The following SAMD12 variants were observed in gnomAD, a reference collection of about 807,000 sequenced individuals.
SAMD12 encodes the protein sterile alpha motif domain-containing protein 12.
In SAMD12, 9 loss-of-function variants were observed where a neutral mutation model predicts 15.0. The ratio of observed to expected loss-of-function variants is 0.60; its 90% CI spans 0.36 to 1.05. The LOEUF is 1.05. SAMD12 is among the 50% of genes least tolerant of loss of function. The probability of loss-of-function intolerance (pLI) is 0.01; values close to 1 mark genes in which losing one functional copy is unlikely to be tolerated. For synonymous variants in SAMD12, 86 were observed against 90.1 expected (o/e 0.96, Z 0.25); for missense variants, 230 against 234.2 (o/e 0.98, Z 0.12).
intron 2 of SAMD12, among the ~76,000 whole-genome samples, chr8:118,458,950 ATGTGTGTGTG>A (rs56067272): frequency 0.035 from 5,201 of 148,944 alleles, 278 homozygotes; most frequent in African/African-American, 0.12. Context: ...TCAGCTATAT[ATGTGTGTGTG>A]TGTGTGTGTG....
intron 2 of SAMD12, among the ~76,000 whole-genome samples, chr8:118,453,171 T>C (rs900462261): frequency 2.0e-5 from 3 of 152,240 alleles, no homozygotes; most frequent in African/African-American, 4.8e-5. Context: ...ACTTTTATTA[T>C]ATATTGTCAA....
At chr8:118,617,601 T>C (rs976030368) in intron 1 of SAMD12, among the ~76,000 whole-genome samples, 2 of 152,220 alleles carry the variant, frequency 1.3e-5, no homozygotes, top group Admixed American at 1.3e-4. Context: ...GCTATTCTGT[T>C]AGACCTGGAA....
intron 3 of SAMD12, chr8:118,400,494 G>T (rs989028480): frequency 6.6e-6 from 1 of 152,204 alleles, no homozygotes; most frequent in African/African-American, 2.4e-5. Flanking sequence ...CTCTCATTTT[G>T]TAGATGTAAG....
chr8:118,429,452 A>G (rs1822332099), intron 3 of SAMD12, among the ~76,000 whole-genome samples: 1 of 152,252 alleles, frequency 6.6e-6, no homozygotes, highest in African/African-American at 2.4e-5. Flanking sequence ...ATTCTAGACA[A>G]CACTCCAACT....
the SAMD12 span, among the ~76,000 whole-genome samples, chr8:118,178,310 T>C: frequency 6.6e-6 from 1 of 152,032 alleles, no homozygotes; most frequent in Non-Finnish European, 1.5e-5. Flanking sequence ...TTAAAGACCA[T>C]AGACACACTT....
At chr8:118,493,611 T>C (rs187700055) in intron 2 of SAMD12, among the ~76,000 whole-genome samples, 141 of 152,334 alleles carry the variant, frequency 9.3e-4, no homozygotes, top group Non-Finnish European at 7.9e-4. Flanking sequence ...TCCTGGATTA[T>C]CTGTGCATGT....
At chr8:118,405,251 T>C (rs535313583) in intron 3 of SAMD12, among the ~76,000 whole-genome samples, 2 of 152,292 alleles carry the variant, frequency 1.3e-5, no homozygotes, top group Non-Finnish European at 2.9e-5. Flanking sequence ...GTGCTCATTT[T>C]CACCAGAAGT....
At chr8:118,540,206 A>C (rs980483198) in intron 2 of SAMD12, among the ~76,000 whole-genome samples, 1 of 152,214 alleles carries the variant, frequency 6.6e-6, no homozygotes, top group African/African-American at 2.4e-5. Context: ...TCATTTTAAA[A>C]GTCTCTCTCA....
At chr8:118,490,088 C>A (rs1006327363) in intron 2 of SAMD12, among the ~76,000 whole-genome samples, 17 of 152,256 alleles carry the variant, frequency 1.1e-4, no homozygotes, top group Middle Eastern at 3.4e-3. Context: ...TAAGTTCTTA[C>A]TATCATAGCA....
At position 118,560,428 on chromosome 8, in the gene SAMD12, A is replaced by G. The variant is rs1014431027; in HGVS notation, c.192+20287T>C. On this transcript the variant is annotated intron_variant, in intron 2 of 3. Transcript: ENST00000314727. ...TGACTTCCAAGAATACTTCTATACTACCCTTCCACCCATTTGGATTTACTA... is the reference window on the plus strand; with the variant it reads ...TGACTTCCAAGAATACTTCTATACTGCCCTTCCACCCATTTGGATTTACTA... Among the ~76,000 whole-genome samples, 6 of 152,268 alleles carry G rather than the reference A, an allele frequency of 3.9e-5. No individual in the cohort carries two copies. In the South Asian group the frequency reaches 1.2e-3, roughly 32 times the overall value.
intron 4 of SAMD12, among the ~76,000 whole-genome samples, chr8:118,322,546 C>A (rs1816337655): frequency 6.6e-6 from 1 of 152,214 alleles, no homozygotes; most frequent in African/African-American, 2.4e-5. Context: ...AAAATGTTTA[C>A]AAGACAGCAT....
At chr8:118,290,251 C>T (rs970461900) in intron 4 of SAMD12, among the ~76,000 whole-genome samples, 7 of 152,200 alleles carry the variant, frequency 4.6e-5, no homozygotes, top group African/African-American at 1.7e-4. Flanking sequence ...AGTCACACTT[C>T]CAAAATCTTG....
the SAMD12 span, among the ~76,000 whole-genome samples, chr8:118,145,941 C>T: frequency 2.0e-5 from 3 of 152,218 alleles, no homozygotes; most frequent in Non-Finnish European, 2.9e-5. Context: ...CAGCTAACTG[C>T]ACTCCTTGCA....
intron 2 of SAMD12, among the ~76,000 whole-genome samples, chr8:118,496,631 T>C (rs1363203774): frequency 6.6e-6 from 1 of 152,016 alleles, no homozygotes; most frequent in Non-Finnish European, 1.5e-5. Flanking sequence ...GAAGAAAACC[T>C]AGAAAACACC....
At position 118,437,337 on chromosome 8, in the gene SAMD12, T is replaced by C. The variant is rs528586890; in HGVS notation, c.322+2495A>G. On this transcript the variant is annotated intron_variant, in intron 3 of 3. Coordinates refer to ENST00000314727, the MANE Select transcript of SAMD12 (RefSeq NM_207506.3). The stretch of plus-strand genomic sequence containing the variant: ...CAAAAAGATGTAGACCAAAAGTTAA[T>C]CTGAAATCATTCTCTCTGTTCCCTA... 4.6e-5 allele frequency among the ~76,000 whole-genome samples: 7 copies of C among 152,298 alleles called. No homozygotes were observed. The East Asian group carries it at 9.7e-4, about 21-fold the overall frequency.
At chr8:118,433,650 A>T (rs375992131) in intron 3 of SAMD12, among the ~76,000 whole-genome samples, 2 of 152,208 alleles carry the variant, frequency 1.3e-5, no homozygotes, top group Non-Finnish European at 2.9e-5. Flanking sequence ...CTGGAAAATT[A>T]GGAGAAACAA....
intron 4 of SAMD12, chr8:118,284,957 AAAAAAAG>A: frequency 6.6e-6 from 1 of 151,726 alleles, no homozygotes; most frequent in South Asian, 2.1e-4. Flanking sequence ...AAAAAAAAAA[AAAAAAAG>A]AAGAAGAAGC....
rs528319260 is a variant in SAMD12, at chr8:118,264,339, G to A, written c.434-66607C>T. 5.3e-5 allele frequency among the ~76,000 whole-genome samples: 8 copies of A among 152,212 alleles called. No individual in the cohort carries two copies. In the South Asian group the frequency reaches 1.7e-3, roughly 32 times the overall value. On this transcript the variant is annotated intron_variant, in intron 4 of 4. Coordinates refer to the SAMD12 transcript ENST00000409003. ...CTTTTACAAAATTTTTTGCACTAAA[G>A]AATGTTCTCATATTCCACTTTAATG...
At chr8:118,304,410 T>C (rs1385011551) in intron 4 of SAMD12, among the ~76,000 whole-genome samples, 1 of 152,182 alleles carries the variant, frequency 6.6e-6, no homozygotes, top group African/African-American at 2.4e-5. Context: ...TTACCAATAT[T>C]CATCTTCTCC....
Sources: allele counts gnomAD v4.1 joint callset (sites outside exome capture counted in the v4.1 genomes callset), GRCh38; gene constraint gnomAD v4.1.1; transcripts MANE v1.5; gene names NCBI Gene and HGNC (gene_info 2026-07-23, HGNC 2026-07-21).